SLC5A4: variants seen among roughly 807,000 people sequenced by gnomAD.
The protein encoded by SLC5A4 is probable glucose sensor protein SLC5A4.
Under a neutral mutation model 70.3 loss-of-function variants are expected in SLC5A4, and 55 were observed. That is an observed-to-expected ratio of 0.78 (90% CI 0.63 to 0.98). The LOEUF (loss-of-function observed/expected upper bound fraction) is 0.98. Ranked by LOEUF, SLC5A4 falls within the 50% of genes least tolerant of loss-of-function variation. The probability of loss-of-function intolerance (pLI) is 0.00; values close to 1 mark genes in which losing one functional copy is unlikely to be tolerated. For synonymous variants in SLC5A4, 268 were observed against 305.7 expected, an observed-to-expected ratio of 0.88 and a Z score of 1.29; for missense variants, 735 against 839.2, an observed-to-expected ratio of 0.88 and a Z score of 1.53.
intron 5 of SLC5A4, among the ~76,000 whole-genome samples, chr22:32,239,552 ATATATATATATATATATT>A (rs1926316188): frequency 4.6e-4 from 7 of 15,172 alleles, no homozygotes; most frequent in Non-Finnish European, 7.5e-4. Flanking sequence ...ATATATATAT[ATATATATATATATATATT>A]TATATATATA....
chr22:32,259,176 T>C (rs756706605), upstream of SLC5A4, among the ~76,000 whole-genome samples: 3 of 152,234 alleles, frequency 2.0e-5, no homozygotes, highest in Non-Finnish European at 4.4e-5. Context: ...AATTAAGTAC[T>C]GTTTTGTACA....
At chr22:32,299,117 C>T in the SLC5A4 span, among the ~76,000 whole-genome samples, 22 of 112,958 alleles carry the variant, frequency 1.9e-4, no homozygotes, top group South Asian at 5.6e-3. Context: ...TTTGGTGAAT[C>T]TGACAATTAT....
chr22:32,298,221 G>C, the SLC5A4 span, among the ~76,000 whole-genome samples: 10 of 142,372 alleles, frequency 7.0e-5, no homozygotes, highest in Non-Finnish European at 1.4e-4. Context: ...TTGACTTTCT[G>C]TCTCGTTGAT....
chr22:32,261,065 A>T, the SLC5A4 span, among the ~76,000 whole-genome samples: 4 of 151,518 alleles, frequency 2.6e-5, no homozygotes, highest in African/African-American at 9.8e-5. Context: ...AGGGCAAAAA[A>T]AAAAAAAAGT....
chr22:32,335,321 G>T, the SLC5A4 span, among the ~76,000 whole-genome samples: 39 of 150,590 alleles, frequency 2.6e-4, no homozygotes, highest in African/African-American at 9.4e-4. Context: ...GCTGGCAACA[G>T]AACCACCTAG....
chr22:32,229,109 C>T (rs1456645074), intron 11 of SLC5A4, 85 bp downstream of exon 11: 16 of 1,323,492 alleles, frequency 1.2e-5, no homozygotes, highest in Non-Finnish European at 1.7e-5. Flanking sequence ...TTACTTTCAC[C>T]AAAGCCAAAG....
At chr22:32,250,972 G>T (rs575922259) in intron 3 of SLC5A4, among the ~76,000 whole-genome samples, 1 of 151,792 alleles carries the variant, frequency 6.6e-6, no homozygotes, top group Non-Finnish European at 1.5e-5. Flanking sequence ...GAGGGGCAAG[G>T]AGAGGGAGAG....
Position 32,251,771 on chromosome 22 carries a change from G to A in SLC5A4, c.311C>T (p.Thr104Ile). ...SGVATVTFEW[T>I]SSVMLLILGW... ...GAAAAAGCCTATGATGTCACTTACA[G>A]TCCATTCAAATGTTACGGTGGCGAC... Residue 104 changes from threonine (T) to isoleucine (I), a missense_variant and splice_region_variant, in exon 3 of 15, where the codon ACT becomes ATT. Coordinates refer to ENST00000266086, the MANE Select transcript of SLC5A4 (RefSeq NM_014227.3). 1 of 1,583,328 alleles carries A rather than the reference G, an allele frequency of 6.3e-7. No homozygotes were observed. The highest frequency in any genetic ancestry group is 8.7e-7 in the Non-Finnish European group (1 of 1,152,024).
At chr22:32,337,065 G>A in the SLC5A4 span, among the ~76,000 whole-genome samples, 1 of 152,220 alleles carries the variant, frequency 6.6e-6, no homozygotes, top group Non-Finnish European at 1.5e-5. Context: ...AGACCCAGAT[G>A]TGTGGCACGG....
chr22:32,235,222 C>T (rs1449000655), intron 7 of SLC5A4, 129 bp from the exon 8 acceptor site: 5 of 640,486 alleles, frequency 7.8e-6, no homozygotes, highest in African/African-American at 1.8e-5. Flanking sequence ...CAGTGACCCT[C>T]TCCCAGGTCC....
At chr22:32,232,315 T>G (rs1343869695) in intron 9 of SLC5A4, among the ~76,000 whole-genome samples, 1 of 152,200 alleles carries the variant, frequency 6.6e-6, no homozygotes, top group Non-Finnish European at 1.5e-5. Context: ...ATTACCCCAA[T>G]AAAAATGAGT....
the SLC5A4 span, among the ~76,000 whole-genome samples, chr22:32,339,325 T>C: frequency 6.6e-6 from 1 of 152,144 alleles, no homozygotes; most frequent in Non-Finnish European, 1.5e-5. Flanking sequence ...TTCCAGTCCT[T>C]ACAATCATCT....
At chr22:32,267,595 C>G in the SLC5A4 span, among the ~76,000 whole-genome samples, 2 of 152,202 alleles carry the variant, frequency 1.3e-5, no homozygotes, top group African/African-American at 4.8e-5. Flanking sequence ...CCTCCCGACT[C>G]AGCCTCCCAG....
intron 7 of SLC5A4, among the ~76,000 whole-genome samples, chr22:32,236,766 G>A (rs890765519): frequency 6.7e-6 from 1 of 150,230 alleles, no homozygotes; most frequent in East Asian, 2.0e-4. Flanking sequence ...GTGCAGTGGC[G>A]CCATCTCGGC....
intron 9 of SLC5A4, among the ~76,000 whole-genome samples, chr22:32,231,664 G>A (rs1288895131): frequency 6.6e-6 from 1 of 152,166 alleles, no homozygotes; most frequent in East Asian, 1.9e-4. Flanking sequence ...CAGCACATTA[G>A]CTTCTTTTCA....
chr22:32,315,377 A>T, the SLC5A4 span, among the ~76,000 whole-genome samples: 1 of 152,326 alleles, frequency 6.6e-6, no homozygotes, highest in African/African-American at 2.4e-5. Flanking sequence ...ATATAGTTGG[A>T]GGTCTAAATT....
chr22:32,254,745 A>C (rs1927374567), intron 1 of SLC5A4, among the ~76,000 whole-genome samples: 1 of 152,090 alleles, frequency 6.6e-6, no homozygotes, highest in Non-Finnish European at 1.5e-5. Context: ...CGGAGCTTGC[A>C]GTGAGCCAAG....
At chr22:32,282,234 C>G in the SLC5A4 span, among the ~76,000 whole-genome samples, 1 of 152,148 alleles carries the variant, frequency 6.6e-6, no homozygotes, top group East Asian at 1.9e-4. Context: ...CTCCAGCACA[C>G]TCTTGACCTC....
chr22:32,326,896 C>T, the SLC5A4 span, among the ~76,000 whole-genome samples: 1 of 152,066 alleles, frequency 6.6e-6, no homozygotes, highest in Non-Finnish European at 1.5e-5. Context: ...CTGGAAGGGG[C>T]CAAAAGCCAA....
Sources: gnomAD v4.1 joint callset for allele counts (sites outside exome capture counted in the v4.1 genomes callset) on GRCh38, gnomAD v4.1.1 for gene constraint, MANE v1.5 for transcripts, NCBI Gene and HGNC (gene_info 2026-07-23, HGNC 2026-07-21) for gene names.